P3H3: variants seen among roughly 807,000 people sequenced by gnomAD.
P3H3 encodes the protein prolyl 3-hydroxylase 3.
P3H3 carries 64 observed loss-of-function variants against 78.1 expected under a neutral mutation model. That is an observed-to-expected ratio of 0.82 (90% CI 0.67 to 1.01). The LOEUF (loss-of-function observed/expected upper bound fraction) is 1.01, where lower values mean the gene tolerates loss of function less well. P3H3 is among the 50% of genes least tolerant of loss of function. The pLI, the probability that P3H3 is intolerant of heterozygous loss-of-function variation, is 0.00. For synonymous variants in P3H3, 425 were observed against 416.7 expected (o/e 1.02, Z -0.24); for missense variants, 975 against 982.2 (o/e 0.99, Z 0.10).
chr12:6,837,334 G>A (rs1463438899), intron 10 of P3H3, 89 bp from the exon 11 acceptor site: 3 of 1,506,674 alleles, frequency 2.0e-6, no homozygotes, highest in Middle Eastern at 2.2e-4. Flanking sequence ...ACCCATGGGT[G>A]GAGAGCGGCA....
Position 6,828,677 on chromosome 12 carries a change from G to C in P3H3, c.237G>C (p.Ala79=). The change falls in exon 1 of 15, where the codon GCG becomes GCC. Residue 79 remains alanine (A), a synonymous_variant. Transcript: ENST00000290510. ...GCCGGGTGCGGCTGGATTGCGGGGC[G>C]AGCTGCGCGGCCGATCCGGGCGCCG... is the stretch of plus-strand genomic sequence containing the variant. ...ALGRVRLDCG[A]SCAADPGAAL... 1 of 1,238,314 alleles carries C rather than the reference G, an allele frequency of 8.1e-7. No homozygotes were observed. The highest frequency in any genetic ancestry group is 1.0e-6 in the Non-Finnish European group (1 of 991,292). The allele number at this position is 1,238,314 out of a possible 1,614,324, so 76.7% of individuals were successfully genotyped here. A position where few individuals can be genotyped will look rare whatever the true frequency, so the allele number is the denominator to read the frequency against.
In P3H3 at chr12:6,839,342, G is replaced by A; in HGVS notation, c.2092G>A (p.Glu698Lys). 1 of 1,553,474 alleles carries A rather than the reference G, an allele frequency of 6.4e-7. No individual in the cohort carries two copies. The highest frequency in any genetic ancestry group is 1.4e-5 in the African/African-American group (1 of 73,192). ...ACTGCTGCAGGAGTCACAGGAGGAGGAGGAAGAGGAAGAGGAAGAAATGCC... is the reference window on the plus strand; with the variant it reads ...ACTGCTGCAGGAGTCACAGGAGGAGAAGGAAGAGGAAGAGGAAGAAATGCC... ...KELLQESQEE[E>K]EEEEEEMPSK... Residue 698 changes from glutamate to lysine, a missense_variant, in exon 15 of 15, where the codon GAG becomes AAG. Physicochemically the swap from Glu to Lys is moderately conservative, Grantham distance 56. Transcript: ENST00000290510.
At position 6,831,628 on chromosome 12, in the gene P3H3, A is replaced by C. The variant is rs2137960411; in HGVS notation, c.1123-197A>C. 6.6e-6 allele frequency among the ~76,000 whole-genome samples: 1 copy of C among 151,856 alleles called. No individual in the cohort carries two copies. The highest frequency in any genetic ancestry group is 1.9e-4 in the East Asian group (1 of 5,154). On this transcript the variant is annotated intron_variant, in intron 5 of 14. Coordinates refer to ENST00000290510, the MANE Select transcript of P3H3 (RefSeq NM_014262.5). The surrounding 1 kb of genome is among the most constrained non-coding windows in gnomAD (Gnocchi z 4.6). ...CATGCATACACACACCCACACACTCACACACACTCCCACCCCCTACACCCT... is the reference window on the plus strand; with the variant it reads ...CATGCATACACACACCCACACACTCCCACACACTCCCACCCCCTACACCCT...
chr12:6,829,763 AGT>A lies in P3H3; in HGVS notation c.499-89_499-88del, dbSNP rs1943426829. 2.2e-6 allele frequency: 3 copies of A among 1,349,506 alleles called. No individual in the cohort carries two copies. The allele number at this position is 1,349,506 out of a possible 1,614,324, so 83.6% of individuals were successfully genotyped here. A position where few individuals can be genotyped will look rare whatever the true frequency, so the allele number is the denominator to read the frequency against. ...TTCCATGAGGCTCTGGGGCACCCAG[AGT>A]GTGTGTCTGGGGTAGGGTGGGGAGG... On this transcript the variant is annotated intron_variant, in intron 1 of 14. Transcript: ENST00000290510. The surrounding 1 kb of genome is among the most constrained non-coding windows in gnomAD (Gnocchi z 5.1).
rs781787434 is a variant in P3H3 at position 6,833,761 on chromosome 12, C to A, written c.1285C>A (p.Pro429Thr). The change falls in exon 8 of 15, where the codon CCT becomes ACT. Residue 429 changes from proline (P) to threonine (T), a missense_variant. Transcript: ENST00000290510. ...EKLREDQEKR[P>T]WDHEPVKPKP... ...CCTGAGAGAGGATCAAGAGAAGAGGCCTTGGGACCATGAGCCCGTGAAGCC... is the reference window on the plus strand; with the variant it reads ...CCTGAGAGAGGATCAAGAGAAGAGGACTTGGGACCATGAGCCCGTGAAGCC... The A allele has an allele frequency of 6.2e-7, 1 of 1,610,314 alleles. No homozygotes were observed. The highest frequency in any genetic ancestry group is 8.5e-7 in the Non-Finnish European group (1 of 1,176,632).
intron 2 of P3H3, 112 bp downstream of exon 2, chr12:6,830,123 C>G (rs1197359445): frequency 7.4e-7 from 1 of 1,356,616 alleles, no homozygotes. Flanking sequence ...GGGTAATGAT[C>G]CTCAGCGACC....
Position 6,839,705 on chromosome 12 carries a change from A to G in P3H3, c.*244A>G, listed in dbSNP as rs1685917038. The G allele has an allele frequency of 3.8e-6, 2 of 529,790 alleles. No homozygotes were observed. The highest frequency in any genetic ancestry group is 3.8e-5 in the African/African-American group (2 of 52,962). 32.8% of individuals were successfully genotyped at this position (529,790 alleles called of 1,614,324 possible). ...CCCGCTGCCGGACCTGCAGCCCTGG[A>G]CAGATGGGGAACACTGTGCCTCCCT... On this transcript the variant is annotated 3_prime_UTR_variant, in exon 15 of 15. Transcript: ENST00000290510.
At position 6,833,639 on chromosome 12, in the gene P3H3, G is replaced by A; in HGVS notation, c.1260G>A (p.Lys420=). 3 of 1,613,858 alleles carry A rather than the reference G, an allele frequency of 1.9e-6. No homozygotes were observed. The highest frequency in any genetic ancestry group is 2.5e-6 in the Non-Finnish European group (3 of 1,179,806). Residue 420 remains lysine (K), a synonymous_variant, in exon 7 of 15, where the codon AAG becomes AAA. Transcript: ENST00000290510. The part of the protein sequence containing the change: ...AALIPEALRE[K]LREDQEKRPW... ...TCATCCCTGAGGCACTTAGAGAAAA[G>A]CTCAGGTAGGATATGCCCCATGGTG...
Position 6,830,489 on chromosome 12 carries a change from A to T in P3H3, c.788A>T (p.Gln263Leu), listed in dbSNP as rs762181091. The change falls in exon 3 of 15, where the codon CAG becomes CTG. Residue 263 changes from glutamine (Q) to leucine (L), a missense_variant. Physicochemically the swap from Gln to Leu is moderately radical, Grantham distance 113 (BLOSUM62 -2). Coordinates refer to ENST00000290510, the MANE Select transcript of P3H3 (RefSeq NM_014262.5). Reference protein sequence around the residue: ...CRADCEGPEEQQGAEEEEDGA... With the variant: ...CRADCEGPEELQGAEEEEDGA... Reference sequence around the variant, plus strand: ...GCTGACTGTGAGGGGCCTGAGGAGCAGCAGGGGGCTGAAGAAGAGGAGGAT... The same window carrying T: ...GCTGACTGTGAGGGGCCTGAGGAGCTGCAGGGGGCTGAAGAAGAGGAGGAT... The T allele has an allele frequency of 3.0e-5, 47 of 1,585,570 alleles. No homozygotes were observed. Among genetic ancestry groups the T allele is most frequent in the Non-Finnish European group, 3.9e-5 (46 of 1,166,946 alleles).
chr12:6,837,001 G>T lies in P3H3; in HGVS notation c.1475G>T (p.Gly492Val). ...CCTATTTAGGATGCAGCTGGGGCTG[G>T]AGCCAGGTCTGGCTATCGTGGTCGC... ...LQLAKDAAGA[G>V]ARSGYRGRRS... The change falls in exon 10 of 15, where the codon GGA becomes GTA. Residue 492 changes from glycine (G) to valine (V), a missense_variant. Physicochemically the swap from Gly to Val is moderately radical, Grantham distance 109. Coordinates refer to ENST00000290510, the MANE Select transcript of P3H3 (RefSeq NM_014262.5). 1.9e-6 allele frequency: 3 copies of T among 1,610,994 alleles called. No individual in the cohort carries two copies. The highest frequency in any genetic ancestry group is 2.5e-6 in the Non-Finnish European group (3 of 1,179,462).
At chr12:6,834,959 T>C (rs1943481927) in intron 9 of P3H3, 1 of 148,674 alleles carries the variant, frequency 6.7e-6, no homozygotes, top group African/African-American at 2.5e-5. Context: ...AAAAAAAGTA[T>C]GTCAAATAGA....
chr12:6,834,112 T>G, intron 9 of P3H3, 63 bp downstream of exon 9: 1 of 1,601,896 alleles, frequency 6.2e-7, no homozygotes, highest in Non-Finnish European at 8.5e-7. Context: ...CCTGTTCCCT[T>G]GCTCTTGGCC....
In P3H3 at chr12:6,828,739, A is replaced by G; in HGVS notation, c.299A>G (p.Asp100Gly). 1 of 1,245,102 alleles carries G rather than the reference A, an allele frequency of 8.0e-7. No homozygotes were observed. The highest frequency in any genetic ancestry group is 1.0e-6 in the Non-Finnish European group (1 of 995,522). 77.1% of individuals were successfully genotyped at this position (1,245,102 alleles called of 1,614,324 possible). A position where few individuals can be genotyped will look rare whatever the true frequency, so the allele number is the denominator to read the frequency against. ...PAVLLGAPEP[D>G]SGPGPTQGSW... is the part of the protein sequence containing the mutation. ...GTGCTTCTCGGGGCCCCGGAGCCCG[A>G]CTCCGGGCCGGGACCCACGCAGGGG... The change falls in exon 1 of 15, where the codon GAC becomes GGC. Residue 100 changes from aspartate (D) to glycine (G), a missense_variant. Physicochemically the swap from Asp to Gly is moderately conservative, Grantham distance 94 (BLOSUM62 -1). Coordinates refer to ENST00000290510, the MANE Select transcript of P3H3 (RefSeq NM_014262.5).
Position 6,839,348 on chromosome 12 carries a change from G to A in P3H3, c.2098G>A (p.Glu700Lys). The change falls in exon 15 of 15, where the codon GAG (glutamate) becomes AAG (lysine). Residue 700 changes from glutamate to lysine, a missense_variant. Physicochemically the swap from Glu to Lys is moderately conservative, Grantham distance 56 (BLOSUM62 1). Transcript: ENST00000290510. ...GCAGGAGTCACAGGAGGAGGAGGAA[G>A]AGGAAGAGGAAGAAATGCCCAGCAA... ...LLQESQEEEE[E>K]EEEEMPSKDP... 1 of 1,553,804 alleles carries A rather than the reference G, an allele frequency of 6.4e-7. No homozygotes were observed. The highest frequency in any genetic ancestry group is 8.7e-7 in the Non-Finnish European group (1 of 1,148,144).
Position 6,828,749 on chromosome 12 carries a change from G to A in P3H3, c.309G>A (p.Pro103=), listed in dbSNP as rs1305600651. The stretch of plus-strand genomic sequence containing the variant: ...GGGCCCCGGAGCCCGACTCCGGGCC[G>A]GGACCCACGCAGGGGTCCTGGGAGC... ...LLGAPEPDSG[P]GPTQGSWERQ... Residue 103 remains proline, a synonymous_variant, in exon 1 of 15, where the codon CCG becomes CCA. Transcript: ENST00000290510. The A allele has an allele frequency of 7.2e-6, 9 of 1,244,768 alleles. No individual in the cohort carries two copies. The African/African-American group carries it at 9.3e-5, about 13-fold the overall frequency. The allele number at this position is 1,244,768 out of a possible 1,614,324, so 77.1% of individuals were successfully genotyped here.
In P3H3 at chr12:6,837,986, C is replaced by T; in HGVS notation, c.1858C>T (p.Gln620Ter). 1.9e-6 allele frequency: 3 copies of T among 1,608,892 alleles called. No individual in the cohort carries two copies. Among genetic ancestry groups the T allele is most frequent in the Non-Finnish European group, 2.5e-6 (3 of 1,177,484 alleles). Residue 620 changes from glutamine (Q) to a stop codon, truncating the protein, a stop_gained, in exon 13 of 15, where the codon CAG becomes TAG. Coordinates refer to ENST00000290510, the MANE Select transcript of P3H3 (RefSeq NM_014262.5). LOFTEE classifies it high-confidence loss of function. Reference sequence around the variant, plus strand: ...ACTCCTCTACCTCAACGATGACTTCCAGGGTGGGGACCTGTTCTTCACGGA... The same window carrying T: ...ACTCCTCTACCTCAACGATGACTTCTAGGGTGGGGACCTGTTCTTCACGGA... ...SGLLYLNDDF[Q>*]GGDLFFTEPN...
chr12:6,838,830 G>A (rs1943527451), intron 13 of P3H3, among the ~76,000 whole-genome samples, 170 bp from the exon 14 acceptor site: 1 of 152,204 alleles, frequency 6.6e-6, no homozygotes, highest in African/African-American at 2.4e-5. Context: ...TCTGCAAGTT[G>A]AAGCTGATTT....
Position 6,831,116 on chromosome 12 carries a change from G to A in P3H3, c.986-100G>A. 6.8e-7 allele frequency: 1 copy of A among 1,471,868 alleles called. No homozygotes were observed. The highest frequency in any genetic ancestry group is 9.5e-7 in the Non-Finnish European group (1 of 1,052,136). 91.2% of individuals were successfully genotyped at this position (1,471,868 alleles called of 1,614,324 possible). ...GGGGGCTCTTGGAGTTAGCTGTCTGGCCTCTGGAGACCACCTTCTCCAGCA... is the reference window on the plus strand; with the variant it reads ...GGGGGCTCTTGGAGTTAGCTGTCTGACCTCTGGAGACCACCTTCTCCAGCA... On this transcript the variant is annotated intron_variant, in intron 4 of 14. Coordinates refer to ENST00000290510, the MANE Select transcript of P3H3 (RefSeq NM_014262.5). This position sits in a 1 kb window ranked among gnomAD's most constrained non-coding sequence, Gnocchi z 4.6.
intron 6 of P3H3, 35 bp from the exon 7 acceptor site, chr12:6,833,557 T>G (rs782531153): frequency 6.2e-7 from 1 of 1,606,382 alleles, no homozygotes; most frequent in Non-Finnish European, 8.5e-7. Context: ...GGGGCTGACC[T>G]TGGTGGGTGA....
Sources: allele counts gnomAD v4.1 joint callset (sites outside exome capture counted in the v4.1 genomes callset), GRCh38; gene constraint gnomAD v4.1.1; non-coding constraint Gnocchi (gnomAD v3.1); transcripts MANE v1.5; gene names NCBI Gene and HGNC (gene_info 2026-07-23, HGNC 2026-07-21).